Variants in GTF3C1 observed in about 807,000 individuals in gnomAD.
GTF3C1 encodes general transcription factor IIIC subunit 1.
GTF3C1 carries 57 observed loss-of-function variants against 226.7 expected under a neutral mutation model. The observed-to-expected ratio is 0.25, with a 90% confidence interval of 0.20 to 0.31. The LOEUF is 0.31. GTF3C1 is among the 10% of genes least tolerant of loss of function. The pLI is 1.00. For missense variants in GTF3C1, 2,217 were observed against 2,776.1 expected, an observed-to-expected ratio of 0.80 and a Z score of 4.53; for synonymous variants, 1,090 against 1,084.8, an observed-to-expected ratio of 1.00 and a Z score of -0.09.
intron 7 of GTF3C1, 38 bp downstream of exon 7, chr16:27,511,711 G>A (rs750999976): frequency 7.5e-6 from 12 of 1,606,378 alleles, no homozygotes; most frequent in South Asian, 2.2e-5. Context: ...TCAAATTCTC[G>A]GGATCCATAT....
intron 29 of GTF3C1, among the ~76,000 whole-genome samples, chr16:27,476,134 C>T (rs995487157): frequency 4.6e-5 from 7 of 152,142 alleles, no homozygotes; most frequent in Admixed American, 1.3e-4. Flanking sequence ...GAGGAGAGAT[C>T]GCCAAGTGTG....
rs936709197 is a variant in GTF3C1, at chr16:27,464,969, C to A, written c.5356-133G>T. ...GAGCAGCCCAGGCCCACGAGGCAGG[C>A]CTGGCTCCTAGCCCCGGGGCTGCCC... On this transcript the variant is annotated intron_variant, in intron 33 of 36. Coordinates refer to ENST00000356183, the MANE Select transcript of GTF3C1 (RefSeq NM_001520.4). 18 of 762,566 alleles carry A rather than the reference C, an allele frequency of 2.4e-5. No individual in the cohort carries two copies. The African/African-American group carries it at 3.0e-4, about 13-fold the overall frequency. The allele number at this position is 762,566 out of a possible 1,614,324, so 47.2% of individuals were successfully genotyped here. A position where few individuals can be genotyped will look rare whatever the true frequency, so the allele number is the denominator to read the frequency against.
At chr16:27,522,247 TC>T (rs1433465600) in intron 6 of GTF3C1, among the ~76,000 whole-genome samples, 1 of 152,208 alleles carries the variant, frequency 6.6e-6, no homozygotes, top group African/African-American at 2.4e-5. Context: ...TCAAACCCTT[TC>T]TCACTCCTGT....
At chr16:27,490,855 T>C (rs988599389) in intron 19 of GTF3C1, among the ~76,000 whole-genome samples, 3 of 152,314 alleles carry the variant, frequency 2.0e-5, no homozygotes, top group African/African-American at 7.2e-5. Flanking sequence ...TTCAAATGTT[T>C]ATTGAATGAA....
chr16:27,515,478 C>CA (rs997222064), intron 6 of GTF3C1, among the ~76,000 whole-genome samples: 272 of 147,152 alleles, frequency 1.8e-3, no homozygotes, highest in African/African-American at 6.3e-3. Flanking sequence ...AAAAAAAAAA[C>CA]AAAAAAAACC....
Position 27,470,912 on chromosome 16 carries a change from G to A in GTF3C1, c.4527-517C>T, listed in dbSNP as rs191467091. ...AAGGCCTTCCTTGTCTGTGACCACT[G>A]CCCTCGGTTCAGATGGGGACATGCG... is the stretch of plus-strand genomic sequence containing the variant. On this transcript the variant is annotated intron_variant, in intron 30 of 36. Transcript: ENST00000356183. The surrounding 1 kb of genome is among the most constrained non-coding windows in gnomAD (Gnocchi z 4.9). Among the ~76,000 whole-genome samples the A allele has an allele frequency of 2.0e-5, 3 of 152,356 alleles. No homozygotes were observed. Among genetic ancestry groups the A allele is most frequent in the African/African-American group, 7.2e-5 (3 of 41,588 alleles).
chr16:27,497,715 T>C lies in GTF3C1; in HGVS notation c.2272A>G (p.Arg758Gly). 1.2e-6 allele frequency: 2 copies of C among 1,614,028 alleles called. No homozygotes were observed. The highest frequency in any genetic ancestry group is 1.3e-5 in the African/African-American group (1 of 75,066). Residue 758 changes from arginine to glycine, a missense_variant, in exon 14 of 37, where the codon AGA (arginine) becomes GGA (glycine). This residue lies in a region of GTF3C1 where 100 missense variants were observed against 139.9 expected (regional missense o/e 0.71). Coordinates refer to ENST00000356183, the MANE Select transcript of GTF3C1 (RefSeq NM_001520.4). ...SGDSQLSASS[R>G]SESGRMKKSD... ...TTTTTCATCCGTCCACTTTCTGATC[T>C]AGAGGAAGCACTCAGCTGAGAGTCC...
chr16:27,483,391 A>C, intron 25 of GTF3C1: 1 of 590,020 alleles, frequency 1.7e-6, no homozygotes, highest in Non-Finnish European at 3.2e-6. Flanking sequence ...TGAGTCCCAA[A>C]CTGTCTCTCA....
In GTF3C1 at chr16:27,497,770, A is replaced by G. The variant is rs778061621; in HGVS notation, c.2217T>C (p.Ser739=). Residue 739 remains serine (S), a synonymous_variant, in exon 14 of 37, where the codon AGT becomes AGC. Coordinates refer to ENST00000356183, the MANE Select transcript of GTF3C1 (RefSeq NM_001520.4). Reference sequence around the variant, plus strand: ...ATCCACTTGGGCCCTCTTTTCCTTGACTGTCTTCTTCTGCCTCCCCTTGGG... The same window carrying G: ...ATCCACTTGGGCCCTCTTTTCCTTGGCTGTCTTCTTCTGCCTCCCCTTGGG... The part of the protein sequence containing the change: ...PVPQGEAEED[S]QGKEGPSGSG... 1.2e-6 allele frequency: 2 copies of G among 1,614,010 alleles called. No individual in the cohort carries two copies. Among genetic ancestry groups the G allele is most frequent in the Admixed American group, 3.3e-5 (2 of 59,994 alleles).
At chr16:27,541,886 C>T (rs955967565) in intron 2 of GTF3C1, among the ~76,000 whole-genome samples, 2 of 151,976 alleles carry the variant, frequency 1.3e-5, no homozygotes, top group Non-Finnish European at 2.9e-5. Context: ...TGTGTGGAAC[C>T]GGGTGGTACA....
chr16:27,516,746 C>T (rs920083953), intron 6 of GTF3C1, among the ~76,000 whole-genome samples: 1 of 152,228 alleles, frequency 6.6e-6, no homozygotes, highest in Non-Finnish European at 1.5e-5. Context: ...ACGGTCCTCC[C>T]ACCTCACCTC....
chr16:27,464,288 T>G (rs1596610470), intron 34 of GTF3C1, 32 bp downstream of exon 34: 8 of 1,367,422 alleles, frequency 5.9e-6, no homozygotes, highest in East Asian at 2.8e-5. Flanking sequence ...CAGGGTGGGG[T>G]GAGGTGGGGT....
intron 7 of GTF3C1, among the ~76,000 whole-genome samples, chr16:27,509,707 G>A (rs528322410): frequency 4.2e-4 from 60 of 142,620 alleles, no homozygotes; most frequent in Non-Finnish European, 6.1e-4. Flanking sequence ...GCAGTGAGCC[G>A]AGATCACGCC....
At chr16:27,503,642 G>A (rs1403919520) in intron 10 of GTF3C1, among the ~76,000 whole-genome samples, 1 of 152,204 alleles carries the variant, frequency 6.6e-6, no homozygotes, top group African/African-American at 2.4e-5. Context: ...CCGCTAAATT[G>A]TCTGCTTCTC....
At chr16:27,528,247 G>A (rs973239547) in intron 6 of GTF3C1, among the ~76,000 whole-genome samples, 1 of 152,058 alleles carries the variant, frequency 6.6e-6, no homozygotes, top group Non-Finnish European at 1.5e-5. Context: ...TGCACTATGG[G>A]CGACAAAAGC....
intron 4 of GTF3C1, among the ~76,000 whole-genome samples, chr16:27,536,519 TC>T (rs2089003709): frequency 6.6e-6 from 1 of 152,196 alleles, no homozygotes; most frequent in Admixed American, 6.5e-5. Context: ...ATGGCTTAAA[TC>T]TGGGAGGCGG....
At chr16:27,524,070 T>C (rs1443693851) in intron 6 of GTF3C1, among the ~76,000 whole-genome samples, 3 of 152,140 alleles carry the variant, frequency 2.0e-5, no homozygotes, top group African/African-American at 7.2e-5. Flanking sequence ...CACTGGGCAA[T>C]GGGTCCTACG....
At position 27,465,166 on chromosome 16, in the gene GTF3C1, A is replaced by C. The variant is rs545284437; in HGVS notation, c.5355+94T>G. On this transcript the variant is annotated intron_variant, in intron 33 of 36. Transcript: ENST00000356183. ...ACGTTTAAAAAGAACGCAGCATGCTATGCCCCAAATCAAGCCCATCCTCAG... is the reference window on the plus strand; with the variant it reads ...ACGTTTAAAAAGAACGCAGCATGCTCTGCCCCAAATCAAGCCCATCCTCAG... 4 of 1,135,124 alleles carry C rather than the reference A, an allele frequency of 3.5e-6. No individual in the cohort carries two copies. The South Asian group carries it at 4.0e-5, about 11-fold the overall frequency. 70.3% of individuals were successfully genotyped at this position (1,135,124 alleles called of 1,614,324 possible).
At position 27,469,702 on chromosome 16, in the gene GTF3C1, G is replaced by A. The variant is rs1476338987; in HGVS notation, c.4815-152C>T. On this transcript the variant is annotated intron_variant, in intron 31 of 36. Transcript: ENST00000356183. The surrounding 1 kb of genome is among the most constrained non-coding windows in gnomAD (Gnocchi z 4.5). ...ATTACCAAGGCTGGTGTGGATGGCT[G>A]CCCCAGATCCATCCCCTTTCCCACC... 3.7e-6 allele frequency: 3 copies of A among 814,184 alleles called. No individual in the cohort carries two copies. The highest frequency in any genetic ancestry group is 3.4e-5 in the South Asian group (2 of 59,142). The allele number at this position is 814,184 out of a possible 1,614,324, so 50.4% of individuals were successfully genotyped here. A position where few individuals can be genotyped will look rare whatever the true frequency, so the allele number is the denominator to read the frequency against.
Sources: allele counts gnomAD v4.1 joint callset (sites outside exome capture counted in the v4.1 genomes callset), GRCh38; gene constraint gnomAD v4.1.1; regional missense constraint gnomAD v4.1.1; non-coding constraint Gnocchi (gnomAD v3.1); transcripts MANE v1.5; gene names NCBI Gene and HGNC (gene_info 2026-07-23, HGNC 2026-07-21).